PACRG: variants seen among roughly 807,000 people sequenced by gnomAD.
PACRG encodes the protein parkin coregulated.
A neutral mutation model predicts 29.7 loss-of-function variants in PACRG; 29 were observed. That is an observed-to-expected ratio of 0.98 (90% CI 0.73 to 1.33). PACRG has a LOEUF of 1.33. PACRG is among the 40% of genes most tolerant of loss of function. PACRG has a pLI of 0.00. For missense variants in PACRG, 279 were observed against 316.2 expected (o/e 0.88, Z 0.89); for synonymous variants, 116 against 118.7 (o/e 0.98, Z 0.15).
intron 2 of PACRG, among the ~76,000 whole-genome samples, chr6:162,895,270 TCA>T (rs1795083973): frequency 1.9e-5 from 1 of 53,682 alleles, no homozygotes. Flanking sequence ...ACCCTCTCTC[TCA>T]AAAAAAAAAA....
At chr6:163,092,417 C>T (rs1363839743) in intron 4 of PACRG, among the ~76,000 whole-genome samples, 1 of 152,192 alleles carries the variant, frequency 6.6e-6, no homozygotes, top group African/African-American at 2.4e-5. Context: ...TCTACACGAT[C>T]AGAGCAATGA....
intron 4 of PACRG, among the ~76,000 whole-genome samples, chr6:163,089,677 T>G (rs200482922): frequency 6.6e-6 from 1 of 151,940 alleles, no homozygotes; most frequent in Non-Finnish European, 1.5e-5. Context: ...ATAATTAAAT[T>G]TGAAGTTTTT....
intron 2 of PACRG, among the ~76,000 whole-genome samples, chr6:162,966,028 G>C (rs1800992489): frequency 6.6e-6 from 1 of 152,210 alleles, no homozygotes. Flanking sequence ...GTTGAAGGAT[G>C]AGTTGATGTA....
chr6:162,947,015 A>C (rs911022128), intron 2 of PACRG, among the ~76,000 whole-genome samples: 3 of 151,868 alleles, frequency 2.0e-5, no homozygotes, highest in Non-Finnish European at 4.4e-5. Flanking sequence ...CACACAGCTA[A>C]CATCATACTA....
At chr6:163,028,701 TTAA>T (rs1160796890) in intron 2 of PACRG, among the ~76,000 whole-genome samples, 1 of 152,244 alleles carries the variant, frequency 6.6e-6, no homozygotes, top group Non-Finnish European at 1.5e-5. Context: ...AGTGCTTTAC[TTAA>T]TACGAAACTC....
At chr6:162,838,102 C>T (rs78705228) in intron 2 of PACRG, among the ~76,000 whole-genome samples, 2,367 of 152,212 alleles carry the variant, frequency 0.016, 56 homozygotes, top group African/African-American at 0.052. Context: ...TTATTCTTTC[C>T]TATCTTAGTT....
intron 2 of PACRG, among the ~76,000 whole-genome samples, chr6:163,005,046 GT>G (rs1804939058): frequency 6.6e-6 from 1 of 151,854 alleles, no homozygotes; most frequent in African/African-American, 2.4e-5. Flanking sequence ...TAGCTTGTTT[GT>G]TTCAAGAAAT....
intron 4 of PACRG, among the ~76,000 whole-genome samples, chr6:163,259,118 T>C (rs1000617668): frequency 6.6e-6 from 1 of 152,124 alleles, no homozygotes; most frequent in Non-Finnish European, 1.5e-5. Flanking sequence ...GGAATTTACA[T>C]AAGGTCATTA....
intron 4 of PACRG, among the ~76,000 whole-genome samples, chr6:163,131,271 GCACT>G (rs66739101): frequency 0.99 from 149,690 of 150,786 alleles, 74,302 homozygotes; most frequent in East Asian, 1. Flanking sequence ...TCACGCCACT[GCACT>G]CACTCCAGCC....
intron 2 of PACRG, among the ~76,000 whole-genome samples, chr6:162,851,978 A>T: frequency 1.6e-5 from 2 of 127,250 alleles, no homozygotes; most frequent in African/African-American, 3.3e-5. Context: ...GGGAAAAGAG[A>T]AAAGAAAAGG....
At chr6:162,747,653 G>A (rs1781189923) in intron 1 of PACRG, among the ~76,000 whole-genome samples, 1 of 150,984 alleles carries the variant, frequency 6.6e-6, no homozygotes, top group Non-Finnish European at 1.5e-5. Context: ...TGCAGGGAAA[G>A]CCAGAATCAA....
intron 2 of PACRG, among the ~76,000 whole-genome samples, chr6:162,905,711 A>G (rs968130223): frequency 6.6e-6 from 1 of 152,162 alleles, no homozygotes; most frequent in African/African-American, 2.4e-5. Flanking sequence ...CCATGCACCT[A>G]ATTTAGCTTC....
chr6:163,133,382 C>T (rs1816809794), intron 4 of PACRG, among the ~76,000 whole-genome samples: 1 of 152,066 alleles, frequency 6.6e-6, no homozygotes, highest in Non-Finnish European at 1.5e-5. Flanking sequence ...GAAATGTGTA[C>T]CTGATGTTTA....
intron 4 of PACRG, among the ~76,000 whole-genome samples, chr6:163,301,580 A>C (rs1366862713): frequency 6.6e-6 from 1 of 152,206 alleles, no homozygotes; most frequent in Admixed American, 6.5e-5. Flanking sequence ...AGGATGAAGC[A>C]GTTGCTCTTT....
intron 4 of PACRG, among the ~76,000 whole-genome samples, chr6:163,163,605 G>A (rs982623524): frequency 4.6e-5 from 7 of 152,154 alleles, no homozygotes; most frequent in Admixed American, 3.3e-4. Context: ...TTTAAATGCC[G>A]AGGATTTTAT....
At chr6:163,298,910 A>G (rs960355281) in intron 4 of PACRG, among the ~76,000 whole-genome samples, 6 of 152,004 alleles carry the variant, frequency 3.9e-5, no homozygotes, top group African/African-American at 1.2e-4. Flanking sequence ...CTTAAATTTA[A>G]TTTTCCCAGG....
intron 4 of PACRG, among the ~76,000 whole-genome samples, chr6:163,100,233 T>A (rs1192807876): frequency 6.6e-6 from 1 of 152,076 alleles, no homozygotes; most frequent in Non-Finnish European, 1.5e-5. Flanking sequence ...CCTCTCGTGC[T>A]GGGATCCCTG....
chr6:162,746,977 T>G (rs1245807832), intron 1 of PACRG, among the ~76,000 whole-genome samples: 1 of 152,146 alleles, frequency 6.6e-6, no homozygotes, highest in Non-Finnish European at 1.5e-5. Context: ...ACAAGAATGA[T>G]GTTTTAGTAA....
chr6:162,997,261 GAT>G, intron 2 of PACRG: 2 of 255,296 alleles, frequency 7.8e-6, no homozygotes, highest in Admixed American at 1.1e-4. Context: ...TTTGCCCTAA[GAT>G]ATGTTGTGCT....
Sources: allele counts gnomAD v4.1 joint callset (sites outside exome capture counted in the v4.1 genomes callset), GRCh38; gene constraint gnomAD v4.1.1; transcripts MANE v1.5; gene names NCBI Gene and HGNC (gene_info 2026-07-23, HGNC 2026-07-21).